Variants in NKAIN3 observed in about 807,000 individuals in gnomAD.
The protein encoded by NKAIN3 is sodium/potassium-transporting ATPase subunit beta-1-interacting protein 3.
Under a neutral mutation model 30.2 loss-of-function variants are expected in NKAIN3, and 25 were observed. The ratio of observed to expected loss-of-function variants is 0.83; its 90% CI spans 0.60 to 1.16. The LOEUF (loss-of-function observed/expected upper bound fraction) is 1.16. Ranked by LOEUF, NKAIN3 falls within the 50% of genes most tolerant of loss-of-function variation. The probability of loss-of-function intolerance (pLI) is 0.00; values close to 1 mark genes in which losing one functional copy is unlikely to be tolerated. For synonymous variants in NKAIN3, 91 were observed against 89.6 expected, an observed-to-expected ratio of 1.02 and a Z score of -0.09; for missense variants, 225 against 254.1, an observed-to-expected ratio of 0.89 and a Z score of 0.78.
chr8:62,411,261 A>C (rs1266223397), intron 1 of NKAIN3, among the ~76,000 whole-genome samples: 2 of 152,198 alleles, frequency 1.3e-5, no homozygotes, highest in Admixed American at 6.5e-5. Flanking sequence ...GAAATCAATA[A>C]ATGTAATTTA....
intron 2 of NKAIN3, among the ~76,000 whole-genome samples, chr8:62,581,539 A>G (rs1810292619): frequency 6.6e-6 from 1 of 152,146 alleles, no homozygotes; most frequent in Non-Finnish European, 1.5e-5. Flanking sequence ...TCTCTCTTCT[A>G]TAGATAGACT....
At chr8:62,919,046 A>G (rs1822192754) in intron 5 of NKAIN3, among the ~76,000 whole-genome samples, 1 of 151,996 alleles carries the variant, frequency 6.6e-6, no homozygotes, top group Admixed American at 6.6e-5. Context: ...CTTAAAAGCT[A>G]AATCATGTTT....
intron 1 of NKAIN3, among the ~76,000 whole-genome samples, chr8:62,539,044 G>T (rs1438280147): frequency 6.6e-6 from 1 of 152,172 alleles, no homozygotes; most frequent in Non-Finnish European, 1.5e-5. Flanking sequence ...TTTGGCAAAT[G>T]AATACTTGAT....
intron 5 of NKAIN3, among the ~76,000 whole-genome samples, chr8:62,999,007 T>G (rs547780502): frequency 6.6e-6 from 1 of 152,338 alleles, no homozygotes; most frequent in East Asian, 1.9e-4. Context: ...GTTGGCCTTT[T>G]TAAATTTTTC....
At chr8:62,746,313 C>T (rs1170575144) in intron 3 of NKAIN3, among the ~76,000 whole-genome samples, 3 of 152,162 alleles carry the variant, frequency 2.0e-5, no homozygotes, top group Admixed American at 6.5e-5. Flanking sequence ...CATTTAGGGT[C>T]CACTCAGATA....
chr8:62,754,252 G>GC (rs1816377006), intron 4 of NKAIN3, among the ~76,000 whole-genome samples: 2 of 151,924 alleles, frequency 1.3e-5, no homozygotes, highest in Non-Finnish European at 2.9e-5. Flanking sequence ...TTAGTGGACT[G>GC]CTCAGTTCTG....
chr8:62,904,111 C>G (rs1275921065), intron 4 of NKAIN3, among the ~76,000 whole-genome samples: 1 of 152,174 alleles, frequency 6.6e-6, no homozygotes, highest in Non-Finnish European at 1.5e-5. Flanking sequence ...AAATTAGTAG[C>G]CACATGTTAT....
At chr8:62,440,957 C>T (rs1024758252) in intron 1 of NKAIN3, among the ~76,000 whole-genome samples, 2 of 152,138 alleles carry the variant, frequency 1.3e-5, no homozygotes, top group Non-Finnish European at 2.9e-5. Context: ...ATCCTCAATG[C>T]GGAACCTGTC....
At chr8:62,709,089 A>G (rs188265197) in intron 3 of NKAIN3, among the ~76,000 whole-genome samples, 21 of 152,206 alleles carry the variant, frequency 1.4e-4, no homozygotes, top group Non-Finnish European at 2.8e-4. Context: ...ATCATGGTGG[A>G]TTATCTTTTT....
At chr8:62,641,406 G>A (rs747181918) in intron 3 of NKAIN3, among the ~76,000 whole-genome samples, 4 of 132,504 alleles carry the variant, frequency 3.0e-5, no homozygotes, top group Admixed American at 1.4e-4. Flanking sequence ...TTTAATGTAG[G>A]CTGACTCTTC....
At chr8:62,707,881 C>A (rs1814584608) in intron 3 of NKAIN3, among the ~76,000 whole-genome samples, 3 of 152,120 alleles carry the variant, frequency 2.0e-5, no homozygotes, top group African/African-American at 7.2e-5. Flanking sequence ...AGTCCCTAAT[C>A]CAGCTTGAGT....
intron 1 of NKAIN3, among the ~76,000 whole-genome samples, chr8:62,439,771 AC>A (rs1242805897): frequency 6.6e-6 from 1 of 152,202 alleles, no homozygotes; most frequent in Non-Finnish European, 1.5e-5. Flanking sequence ...TTGCCACTGA[AC>A]ATGAGGTGCA....
chr8:62,777,250 C>A (rs1585873), intron 4 of NKAIN3, among the ~76,000 whole-genome samples: 134,669 of 152,200 alleles, frequency 0.88, 59,718 homozygotes, highest in African/African-American at 0.91. Context: ...TAGGTTTGGA[C>A]GTTCTTTGAT....
intron 1 of NKAIN3, among the ~76,000 whole-genome samples, chr8:62,562,396 T>G (rs1244617602): frequency 1.3e-5 from 2 of 152,174 alleles, no homozygotes; most frequent in Non-Finnish European, 2.9e-5. Context: ...TCATTAATGA[T>G]AAATGTGAAG....
rs535373163 is a variant in NKAIN3 at position 62,774,351 on chromosome 8, A to G, written c.471+27222A>G. On this transcript the variant is annotated intron_variant, in intron 4 of 6. Transcript: ENST00000623646. ...AAATATAAGATTATATTATCTGCAG[A>G]CAAGGATCACTTAACTTATTCCTTT... Among the ~76,000 whole-genome samples the G allele has an allele frequency of 9.8e-5, 15 of 152,326 alleles. No individual in the cohort carries two copies. The South Asian group carries it at 2.7e-3, about 27-fold the overall frequency.
At chr8:62,704,396 T>A (rs1456142618) in intron 3 of NKAIN3, among the ~76,000 whole-genome samples, 2 of 152,172 alleles carry the variant, frequency 1.3e-5, no homozygotes, top group African/African-American at 4.8e-5. Context: ...TCCTTTTTTC[T>A]AGAGAAGGAG....
chr8:62,612,136 T>C (rs1451397629), intron 3 of NKAIN3, among the ~76,000 whole-genome samples: 2 of 152,106 alleles, frequency 1.3e-5, no homozygotes, highest in Non-Finnish European at 2.9e-5. Context: ...TTGATCAGAT[T>C]ATTAGATTAT....
At chr8:62,460,549 G>A (rs1451149232) in intron 1 of NKAIN3, among the ~76,000 whole-genome samples, 1 of 152,154 alleles carries the variant, frequency 6.6e-6, no homozygotes, top group African/African-American at 2.4e-5. Context: ...TAAGAACAAT[G>A]AGCTTTGTAA....
intron 3 of NKAIN3, among the ~76,000 whole-genome samples, chr8:62,670,606 C>T (rs532216530): frequency 4.9e-4 from 61 of 124,994 alleles, no homozygotes; most frequent in Admixed American, 4.4e-3. Flanking sequence ...CCCCAGTTTT[C>T]TTTTGTATAT....
Sources: gnomAD v4.1 joint callset for allele counts (sites outside exome capture counted in the v4.1 genomes callset) on GRCh38, gnomAD v4.1.1 for gene constraint, MANE v1.5 for transcripts, NCBI Gene and HGNC (gene_info 2026-07-23, HGNC 2026-07-21) for gene names.